KCNQ5: variants seen among roughly 807,000 people sequenced by gnomAD.
KCNQ5 encodes potassium voltage-gated channel subfamily KQT member 5.
In KCNQ5, 30 loss-of-function variants were observed where a neutral mutation model predicts 98.2. That is an observed-to-expected ratio of 0.31 (90% CI 0.23 to 0.41). KCNQ5 has a LOEUF of 0.41. Among genes scored for constraint, KCNQ5 ranks in the 10% least tolerant of loss-of-function variants. KCNQ5 has a pLI of 1.00. For missense variants in KCNQ5, 835 were observed against 1,182.5 expected (o/e 0.71, Z 4.31); for synonymous variants, 458 against 449.4 (o/e 1.02, Z -0.24).
intron 8 of KCNQ5, 61 bp downstream of exon 8, chr6:73,120,638 C>T: frequency 9.8e-7 from 1 of 1,023,116 alleles, no homozygotes; most frequent in Non-Finnish European, 1.5e-6. Flanking sequence ...TTAAACAAAC[C>T]ATACCCACAC....
In KCNQ5 at chr6:73,198,572, G is replaced by A. The variant is rs1765874259; in HGVS notation, c.*3158G>A. On this transcript the variant is annotated 3_prime_UTR_variant, in exon 14 of 14. Coordinates refer to ENST00000370398, the MANE Select transcript of KCNQ5 (RefSeq NM_019842.4). Reference sequence around the variant, plus strand: ...GGATCATTTCACTAAATCAGATAGAGGAAATATCATAAATATTAACTTGTC... The same window carrying A: ...GGATCATTTCACTAAATCAGATAGAAGAAATATCATAAATATTAACTTGTC... The A allele has an allele frequency of 6.6e-6, 1 of 152,188 alleles. No individual in the cohort carries two copies. The highest frequency in any genetic ancestry group is 2.4e-5 in the African/African-American group (1 of 41,444). 9.4% of individuals were successfully genotyped at this position (152,188 alleles called of 1,614,324 possible).
chr6:73,148,969 T>C (rs914982247), intron 10 of KCNQ5, among the ~76,000 whole-genome samples: 2 of 152,222 alleles, frequency 1.3e-5, no homozygotes, highest in East Asian at 3.9e-4. Context: ...CAAAGAGCAG[T>C]GGGTGATGGT....
At chr6:72,800,819 T>A (rs2150092674) in intron 1 of KCNQ5, among the ~76,000 whole-genome samples, 1 of 152,338 alleles carries the variant, frequency 6.6e-6, no homozygotes, top group South Asian at 2.1e-4. Flanking sequence ...GATTCTGGTA[T>A]GTTGTATCTT....
At position 72,789,087 on chromosome 6, in the gene KCNQ5, C is replaced by A. The variant is rs1773899759; in HGVS notation, c.398+166500C>A. Among the ~76,000 whole-genome samples the A allele has an allele frequency of 2.0e-5, 3 of 152,266 alleles. No individual in the cohort carries two copies. The South Asian group carries it at 6.2e-4, about 32-fold the overall frequency. ...TCTGTTTTCAGTCTTCCAGATGATA[C>A]CAATGTGTAGCCAAAGTTGGGAGCT... On this transcript the variant is annotated intron_variant, in intron 1 of 13. Transcript: ENST00000370398.
chr6:72,830,375 C>T (rs1191153256), intron 1 of KCNQ5, among the ~76,000 whole-genome samples: 1 of 151,982 alleles, frequency 6.6e-6, no homozygotes, highest in Non-Finnish European at 1.5e-5. Flanking sequence ...GGTACTGGTA[C>T]CAAAACAGAG....
At chr6:73,175,167 T>G (rs1173049419) in intron 11 of KCNQ5, among the ~76,000 whole-genome samples, 1 of 152,066 alleles carries the variant, frequency 6.6e-6, no homozygotes, top group African/African-American at 2.4e-5. Flanking sequence ...TTTTTTTTTT[T>G]GAAACAGAGT....
At chr6:73,028,569 T>C (rs999608474) in intron 2 of KCNQ5, among the ~76,000 whole-genome samples, 1 of 152,204 alleles carries the variant, frequency 6.6e-6, no homozygotes, top group African/African-American at 2.4e-5. Flanking sequence ...AAAGGTCAAC[T>C]TGACACCGCT....
At chr6:72,809,478 G>C (rs1334847438) in intron 1 of KCNQ5, among the ~76,000 whole-genome samples, 1 of 152,086 alleles carries the variant, frequency 6.6e-6, no homozygotes, top group Non-Finnish European at 1.5e-5. Context: ...CTTGAACCAG[G>C]GAGGTGGAGG....
chr6:72,954,531 CTG>C (rs3068309), intron 1 of KCNQ5, among the ~76,000 whole-genome samples: 39,465 of 150,402 alleles, frequency 0.26, 5,228 homozygotes, highest in East Asian at 0.42. Flanking sequence ...CAAGACTTTT[CTG>C]TGTGTGTGTG....
intron 1 of KCNQ5, among the ~76,000 whole-genome samples, chr6:72,864,384 C>T (rs1205555486): frequency 6.6e-6 from 1 of 152,180 alleles, no homozygotes; most frequent in Non-Finnish European, 1.5e-5. Context: ...GCCTTCCTAA[C>T]TTAATGCCAG....
intron 11 of KCNQ5, among the ~76,000 whole-genome samples, chr6:73,176,339 C>A (rs1778213311): frequency 6.6e-6 from 1 of 152,202 alleles, no homozygotes; most frequent in Non-Finnish European, 1.5e-5. Context: ...TTTCTTCCTG[C>A]TGCTCCGGCC....
intron 8 of KCNQ5, among the ~76,000 whole-genome samples, chr6:73,122,394 T>C (rs1455509994): frequency 2.6e-5 from 4 of 152,208 alleles, no homozygotes; most frequent in Non-Finnish European, 5.9e-5. Flanking sequence ...GTAAATCAAC[T>C]ATTATTTTAT....
chr6:73,066,432 C>A (rs1264349524), intron 3 of KCNQ5, among the ~76,000 whole-genome samples: 1 of 152,154 alleles, frequency 6.6e-6, no homozygotes, highest in Non-Finnish European at 1.5e-5. Flanking sequence ...GCAGAAAACT[C>A]TTCTCTTTTA....
At chr6:73,061,114 A>G (rs534116822) in intron 3 of KCNQ5, among the ~76,000 whole-genome samples, 156 of 152,178 alleles carry the variant, frequency 1.0e-3, no homozygotes, top group Non-Finnish European at 2.1e-3. Context: ...GAATCCCAAG[A>G]TATATGAAAT....
chr6:73,193,234 T>G lies in KCNQ5; in HGVS notation c.1836+543T>G, dbSNP rs999081525. Among the ~76,000 whole-genome samples, 5 of 151,210 alleles carry G rather than the reference T, an allele frequency of 3.3e-5. 1 individual carries two copies. The highest frequency in any genetic ancestry group is 1.2e-4 in the African/African-American group (5 of 41,240). ...CAGGTTTCACCATGTTGGCCAGGCT[T>G]GTCTCAAACTCCTGACCTCAAGTGA... On this transcript the variant is annotated intron_variant, in intron 13 of 13. Transcript: ENST00000370398.
intron 1 of KCNQ5, among the ~76,000 whole-genome samples, chr6:72,858,880 T>C (rs1464310543): frequency 1.3e-5 from 2 of 152,186 alleles, no homozygotes; most frequent in Non-Finnish European, 2.9e-5. Context: ...GTTAATTTCA[T>C]TGTGTCAATG....
At chr6:72,929,943 A>T (rs1765615196) in intron 1 of KCNQ5, among the ~76,000 whole-genome samples, 1 of 152,212 alleles carries the variant, frequency 6.6e-6, no homozygotes, top group Non-Finnish European at 1.5e-5. Flanking sequence ...ACATAATTTA[A>T]CTTTTCTTTA....
chr6:72,856,950 A>T (rs1777559642), intron 1 of KCNQ5, among the ~76,000 whole-genome samples: 1 of 152,334 alleles, frequency 6.6e-6, no homozygotes, highest in Non-Finnish European at 1.5e-5. Context: ...TTATGGACTC[A>T]CATGCTTAAG....
intron 1 of KCNQ5, among the ~76,000 whole-genome samples, chr6:72,746,460 C>T (rs1162212715): frequency 2.6e-5 from 4 of 152,140 alleles, no homozygotes. Context: ...CCAGGGTAGA[C>T]AGGCTAGTGA....
Sources: gnomAD v4.1 joint callset for allele counts (sites outside exome capture counted in the v4.1 genomes callset) on GRCh38, gnomAD v4.1.1 for gene constraint, MANE v1.5 for transcripts, NCBI Gene and HGNC (gene_info 2026-07-23, HGNC 2026-07-21) for gene names.